Variants in NUDCD1 observed in about 807,000 individuals in gnomAD.
NUDCD1 encodes NudC domain containing 1.
A neutral mutation model predicts 67.8 loss-of-function variants in NUDCD1; 60 were observed. The ratio of observed to expected loss-of-function variants is 0.88; its 90% confidence interval spans 0.72 to 1.10. The LOEUF (loss-of-function observed/expected upper bound fraction) is 1.10, where lower values mean the gene tolerates loss of function less well. Among genes scored for constraint, NUDCD1 ranks in the 50% least tolerant of loss-of-function variants. The probability of loss-of-function intolerance (pLI) is 0.00; values close to 1 mark genes in which losing one functional copy is unlikely to be tolerated. For missense variants in NUDCD1, 643 were observed against 695.0 expected, an observed-to-expected ratio of 0.93 and a Z score of 0.84; for synonymous variants, 244 against 230.8, an observed-to-expected ratio of 1.06 and a Z score of -0.52.
At chr8:109,288,925 G>A (rs1814634990) in intron 5 of NUDCD1, among the ~76,000 whole-genome samples, 1 of 151,636 alleles carries the variant, frequency 6.6e-6, no homozygotes, top group Non-Finnish European at 1.5e-5. Context: ...AGCTTTAAAA[G>A]AATGTCTGTT....
chr8:109,275,992 G>A (rs773722707), intron 6 of NUDCD1, among the ~76,000 whole-genome samples: 2 of 152,042 alleles, frequency 1.3e-5, no homozygotes, highest in Non-Finnish European at 2.9e-5. Flanking sequence ...GATCAAGCAG[G>A]TTAAATCAAC....
rs1219786155 is a variant in NUDCD1, at chr8:109,241,548, T to C, written c.*1461A>G. The C allele has an allele frequency of 6.6e-6, 1 of 152,204 alleles. No homozygotes were observed. The highest frequency in any genetic ancestry group is 1.5e-5 in the Non-Finnish European group (1 of 68,040). The allele number at this position is 152,204 out of a possible 1,614,324, so 9.4% of individuals were successfully genotyped here. A position where few individuals can be genotyped will look rare whatever the true frequency, so the allele number is the denominator to read the frequency against. On this transcript the variant is annotated 3_prime_UTR_variant, in exon 10 of 10. Coordinates refer to ENST00000239690, the MANE Select transcript of NUDCD1 (RefSeq NM_032869.4). Reference sequence around the variant, plus strand: ...TGTTTGGTATCTAGTCTCTCTTTCCTAATACGAATAGAGTACTATTAGGAC... The same window carrying C: ...TGTTTGGTATCTAGTCTCTCTTTCCCAATACGAATAGAGTACTATTAGGAC...
chr8:109,325,073 G>A (rs1444614729), intron 1 of NUDCD1, among the ~76,000 whole-genome samples: 1 of 152,180 alleles, frequency 6.6e-6, no homozygotes, highest in Non-Finnish European at 1.5e-5. Flanking sequence ...CTGGGACAGA[G>A]TGAGACTTCA....
intron 5 of NUDCD1, among the ~76,000 whole-genome samples, chr8:109,285,256 T>C (rs568128393): frequency 1.3e-5 from 2 of 148,180 alleles, no homozygotes; most frequent in African/African-American, 4.9e-5. Flanking sequence ...CGGTACCAAT[T>C]CTACTGAAAC....
chr8:109,310,206 T>G (rs545842521), intron 2 of NUDCD1, among the ~76,000 whole-genome samples: 1 of 152,290 alleles, frequency 6.6e-6, no homozygotes, highest in East Asian at 1.9e-4. Context: ...TCACATTTCC[T>G]GATTTCAAAC....
At chr8:109,317,522 C>A (rs1013639066) in intron 2 of NUDCD1, among the ~76,000 whole-genome samples, 1 of 152,092 alleles carries the variant, frequency 6.6e-6, no homozygotes, top group Non-Finnish European at 1.5e-5. Flanking sequence ...AGGATAATAT[C>A]AGGATATTAT....
chr8:109,304,683 C>T lies in NUDCD1; in HGVS notation c.274-8114G>A, dbSNP rs1401181937. The stretch of plus-strand genomic sequence containing the variant: ...ATCATTAATTCCTCTTTAATAAAAA[C>T]TCTTCTCAAGGCCGCTTTACTTCCA... On this transcript the variant is annotated intron_variant, in intron 2 of 9. Transcript: ENST00000239690. Among the ~76,000 whole-genome samples, 3 of 152,224 alleles carry T rather than the reference C, an allele frequency of 2.0e-5. No homozygotes were observed. The East Asian group carries it at 5.8e-4, about 29-fold the overall frequency.
chr8:109,263,468 G>A lies in NUDCD1; in HGVS notation c.1299+7537C>T, dbSNP rs117294024. Among the ~76,000 whole-genome samples the A allele has an allele frequency of 4.6e-3, 707 of 152,294 alleles. 4 individuals are homozygous for A. Among genetic ancestry groups the A allele is most frequent in the Non-Finnish European group, 8.1e-3 (550 of 68,010 alleles). The stretch of plus-strand genomic sequence containing the variant: ...GAGAAATTGGCACAAATATGCTAAT[G>A]CTTATGCTGTTTACTGTGCAAATAA... On this transcript the variant is annotated intron_variant, in intron 8 of 9. Transcript: ENST00000239690.
intron 1 of NUDCD1, among the ~76,000 whole-genome samples, 168 bp from the exon 2 acceptor site, chr8:109,322,631 A>T (rs1815569062): frequency 1.3e-5 from 2 of 152,192 alleles, no homozygotes; most frequent in South Asian, 4.1e-4. Flanking sequence ...GGTACTGTGT[A>T]CAGAGGATAA....
At chr8:109,304,278 T>C (rs1815055264) in intron 2 of NUDCD1, among the ~76,000 whole-genome samples, 2 of 152,128 alleles carry the variant, frequency 1.3e-5, no homozygotes, top group Non-Finnish European at 2.9e-5. Context: ...CCCACATTAT[T>C]CCTGATACCA....
intron 2 of NUDCD1, among the ~76,000 whole-genome samples, chr8:109,303,399 A>G (rs1326580097): frequency 6.6e-6 from 1 of 152,148 alleles, no homozygotes; most frequent in African/African-American, 2.4e-5. Flanking sequence ...CACCCACTCC[A>G]CATTACCTTC....
intron 8 of NUDCD1, among the ~76,000 whole-genome samples, chr8:109,270,326 C>G (rs77809223): frequency 1.3e-5 from 2 of 148,554 alleles, no homozygotes; most frequent in East Asian, 3.9e-4. Flanking sequence ...AATAACTTGA[C>G]AGTAAAAAAA....
intron 5 of NUDCD1, among the ~76,000 whole-genome samples, chr8:109,289,343 C>T (rs1814648134): frequency 6.6e-6 from 1 of 152,032 alleles, no homozygotes; most frequent in African/African-American, 2.4e-5. Flanking sequence ...TGATTCTGCC[C>T]TCAAGGAACT....
In NUDCD1 at chr8:109,287,658, A is replaced by G. The variant is rs565336464; in HGVS notation, c.823+2093T>C. On this transcript the variant is annotated intron_variant, in intron 5 of 9. Transcript: ENST00000239690. ...TACTAGAGGGGGTAGAAAGGGTTGA[A>G]AAAGTAACTGTTGGGTGCTATGCTC... 2.4e-4 allele frequency among the ~76,000 whole-genome samples: 36 copies of G among 152,288 alleles called. 1 individual carries two copies. In the South Asian group the frequency reaches 7.5e-3, roughly 32 times the overall value.
At chr8:109,249,395 G>A (rs569731243) in intron 8 of NUDCD1, among the ~76,000 whole-genome samples, 226 of 152,266 alleles carry the variant, frequency 1.5e-3, no homozygotes, top group African/African-American at 5.3e-3. Context: ...CACAGCTACA[G>A]CTCTTATACA....
intron 1 of NUDCD1, among the ~76,000 whole-genome samples, chr8:109,330,451 G>A (rs976884807): frequency 5.9e-5 from 9 of 152,120 alleles, no homozygotes; most frequent in Non-Finnish European, 8.8e-5. Context: ...TACCAGAAGC[G>A]CCTCAATTAT....
intron 2 of NUDCD1, among the ~76,000 whole-genome samples, chr8:109,303,608 T>C (rs1262364765): frequency 6.6e-6 from 1 of 151,756 alleles, no homozygotes; most frequent in East Asian, 1.9e-4. Context: ...CCCTGACTAT[T>C]CCTAGGCTAC....
At position 109,240,924 on chromosome 8, in the gene NUDCD1, AAC is replaced by A. The variant is rs931403790; in HGVS notation, c.*2083_*2084del. The A allele has an allele frequency of 5.3e-5, 8 of 152,206 alleles. No individual in the cohort carries two copies. The highest frequency in any genetic ancestry group is 1.9e-4 in the African/African-American group (8 of 41,446). The allele number at this position is 152,206 out of a possible 1,614,324, so 9.4% of individuals were successfully genotyped here. A position where few individuals can be genotyped will look rare whatever the true frequency, so the allele number is the denominator to read the frequency against. On this transcript the variant is annotated 3_prime_UTR_variant, in exon 10 of 10. Coordinates refer to ENST00000239690, the MANE Select transcript of NUDCD1 (RefSeq NM_032869.4). ...ATTGTTAATGACTCTTAATATGCAA[AAC>A]ACATAAAATACTACTTTATTACTAT...
chr8:109,323,612 T>C (rs185474374), intron 1 of NUDCD1, among the ~76,000 whole-genome samples: 2 of 152,176 alleles, frequency 1.3e-5, no homozygotes, highest in Non-Finnish European at 2.9e-5. Context: ...TAACAAAAGC[T>C]TTCCAAGGTT....
Sources: gnomAD v4.1 joint callset for allele counts (sites outside exome capture counted in the v4.1 genomes callset) on GRCh38, gnomAD v4.1.1 for gene constraint, MANE v1.5 for transcripts, NCBI Gene and HGNC (gene_info 2026-07-23, HGNC 2026-07-21) for gene names.